Variants in MEMO1 observed in about 807,000 individuals in gnomAD.
MEMO1 encodes the protein protein MEMO1.
MEMO1 carries 6 observed loss-of-function variants against 45.2 expected under a neutral mutation model. The ratio of observed to expected loss-of-function variants is 0.13; its 90% CI spans 0.07 to 0.26. The LOEUF (loss-of-function observed/expected upper bound fraction) is 0.26, where lower values mean the gene tolerates loss of function less well. MEMO1 is among the 10% of genes least tolerant of loss of function. The probability of loss-of-function intolerance (pLI) is 1.00; values close to 1 mark genes in which losing one functional copy is unlikely to be tolerated. For missense variants in MEMO1, 184 were observed against 370.5 expected, an observed-to-expected ratio of 0.50 and a Z score of 4.13; for synonymous variants, 78 against 124.3, an observed-to-expected ratio of 0.63 and a Z score of 2.48.
Position 31,932,111 on chromosome 2 carries a change from C to G in MEMO1, c.168G>C (p.Gly56=). Residue 56 remains glycine, a synonymous_variant, in exon 4 of 10, where the codon GGG becomes GGC. Transcript: ENST00000404530. ...IAPHAGYTYC[G]SCAAHAYKQV... is the part of the protein sequence containing the mutation. Reference sequence around the variant, plus strand: ...GTTTATAAGCATGGGCAGCACAAGACCCACAGTACGTATATCCTGCATGGC... The same window carrying G: ...GTTTATAAGCATGGGCAGCACAAGAGCCACAGTACGTATATCCTGCATGGC... The G allele has an allele frequency of 6.2e-7, 1 of 1,613,650 alleles. No homozygotes were observed.
chr2:31,949,544 A>T (rs1666580385), intron 2 of MEMO1, among the ~76,000 whole-genome samples: 1 of 152,000 alleles, frequency 6.6e-6, no homozygotes, highest in East Asian at 1.9e-4. Context: ...GGATCTAAAA[A>T]AAAACAATGG....
chr2:31,886,274 T>C (rs1676175685), intron 7 of MEMO1, among the ~76,000 whole-genome samples: 1 of 152,192 alleles, frequency 6.6e-6, no homozygotes, highest in Non-Finnish European at 1.5e-5. Flanking sequence ...TCAAATCGTC[T>C]CATGGTAATT....
chr2:31,936,323 CT>C (rs573606486), intron 3 of MEMO1, among the ~76,000 whole-genome samples: 68 of 152,288 alleles, frequency 4.5e-4, no homozygotes, highest in African/African-American at 1.6e-3. Context: ...TCCCCACTAA[CT>C]TTTCCAAGTC....
chr2:31,987,389 G>A (rs942330815), intron 2 of MEMO1, among the ~76,000 whole-genome samples: 2 of 152,058 alleles, frequency 1.3e-5, no homozygotes, highest in African/African-American at 4.8e-5. Flanking sequence ...ATATCATGTG[G>A]GCTGAAATAA....
At chr2:31,921,694 C>T (rs186332451) in intron 4 of MEMO1, among the ~76,000 whole-genome samples, 114 of 152,174 alleles carry the variant, frequency 7.5e-4, no homozygotes, top group African/African-American at 2.4e-3. Flanking sequence ...AATATCTATA[C>T]AAAATATCCA....
intron 6 of MEMO1, among the ~76,000 whole-genome samples, chr2:31,915,558 AG>A (rs1558500132): frequency 6.7e-6 from 1 of 149,426 alleles, no homozygotes; most frequent in African/African-American, 2.5e-5. Context: ...CAAAAACAGA[AG>A]GGGGAAAAAA....
chr2:32,006,204 A>T (rs188805277), intron 2 of MEMO1, among the ~76,000 whole-genome samples: 3 of 152,334 alleles, frequency 2.0e-5, no homozygotes, highest in African/African-American at 7.2e-5. Flanking sequence ...GAAATGATCA[A>T]AGGAATGATT....
intron 3 of MEMO1, among the ~76,000 whole-genome samples, chr2:31,935,633 T>C (rs911977294): frequency 1.3e-5 from 2 of 152,110 alleles, no homozygotes; most frequent in Admixed American, 6.6e-5. Context: ...AAGAAGATAA[T>C]AATCAAAGAA....
At chr2:31,924,666 T>C (rs1243646685) in intron 4 of MEMO1, among the ~76,000 whole-genome samples, 1 of 152,190 alleles carries the variant, frequency 6.6e-6, no homozygotes. Flanking sequence ...AGTAATTTTG[T>C]AAACGTGTTT....
chr2:31,914,513 A>G (rs1227960145), intron 6 of MEMO1, among the ~76,000 whole-genome samples: 1 of 152,236 alleles, frequency 6.6e-6, no homozygotes, highest in East Asian at 1.9e-4. Flanking sequence ...CTGGAACACT[A>G]AAGATAAATG....
intron 2 of MEMO1, among the ~76,000 whole-genome samples, chr2:31,970,553 T>C (rs1050152506): frequency 1.3e-5 from 2 of 152,088 alleles, no homozygotes; most frequent in Admixed American, 6.5e-5. Context: ...AGGTTTACTA[T>C]CTGTTATCAT....
chr2:31,958,292 C>T (rs1667629023), intron 2 of MEMO1, among the ~76,000 whole-genome samples: 1 of 151,676 alleles, frequency 6.6e-6, no homozygotes, highest in Admixed American at 6.6e-5. Flanking sequence ...GAGGCTCTGA[C>T]CTTTTCTGAT....
chr2:31,919,350 G>C (rs923115460), intron 5 of MEMO1, among the ~76,000 whole-genome samples: 2 of 151,842 alleles, frequency 1.3e-5, no homozygotes, highest in Admixed American at 1.3e-4. Flanking sequence ...ATGGGGTTTT[G>C]CCACATTGCT....
intron 2 of MEMO1, among the ~76,000 whole-genome samples, chr2:31,975,085 T>C (rs927792101): frequency 3.3e-5 from 5 of 151,498 alleles, no homozygotes; most frequent in African/African-American, 1.2e-4. Context: ...GGCAGGAGAA[T>C]CGCTTGAAAC....
At chr2:31,966,732 C>CAAAAAA (rs758359349) in intron 2 of MEMO1, among the ~76,000 whole-genome samples, 14 of 117,856 alleles carry the variant, frequency 1.2e-4, no homozygotes, top group Admixed American at 1.0e-3. Context: ...GACTCTGTCT[C>CAAAAAA]AAAAAAAAAA....
intron 2 of MEMO1, among the ~76,000 whole-genome samples, chr2:31,959,764 A>G (rs183596217): frequency 8.5e-6 from 1 of 117,188 alleles, no homozygotes; most frequent in East Asian, 2.6e-4. Flanking sequence ...ATGAAACACA[A>G]CCTTGGGCAT....
intron 2 of MEMO1, among the ~76,000 whole-genome samples, chr2:31,956,477 T>C (rs1290084867): frequency 6.6e-6 from 1 of 152,194 alleles, no homozygotes; most frequent in Non-Finnish European, 1.5e-5. Flanking sequence ...TTTCCTTCTG[T>C]AAGAGCTTTC....
chr2:31,868,455 C>T lies in MEMO1; in HGVS notation c.800G>A (p.Ser267Asn). The stretch of plus-strand genomic sequence containing the variant: ...CTGGGCATAATTCAAAAACGAAAAA[C>T]TCATATTCATTCCATTCTTCTGGAG... ...TELQKNGMNM[S>N]FSFLNYAQSS... Residue 267 changes from serine to asparagine, a missense_variant, in exon 10 of 10, where the codon AGT becomes AAT. Around this residue, in one of 3 missense-constraint regions of MEMO1, gnomAD observed 97 missense variants for 209.3 expected, o/e 0.46. Coordinates refer to ENST00000404530, the MANE Select transcript of MEMO1 (RefSeq NM_001301833.4). The T allele has an allele frequency of 6.2e-7, 1 of 1,604,678 alleles. No individual in the cohort carries two copies. Among genetic ancestry groups the T allele is most frequent in the Admixed American group, 1.7e-5 (1 of 58,502 alleles).
At chr2:31,993,721 A>G (rs1481971245) in intron 2 of MEMO1, among the ~76,000 whole-genome samples, 1 of 152,194 alleles carries the variant, frequency 6.6e-6, no homozygotes, top group African/African-American at 2.4e-5. Context: ...TCAGTGGGCC[A>G]AAATCATTGG....
Sources: allele counts gnomAD v4.1 joint callset (sites outside exome capture counted in the v4.1 genomes callset), GRCh38; gene constraint gnomAD v4.1.1; regional missense constraint gnomAD v4.1.1; transcripts MANE v1.5; gene names NCBI Gene and HGNC (gene_info 2026-07-23, HGNC 2026-07-21).